Variants in ZNF264 observed in about 807,000 individuals in gnomAD.
ZNF264 encodes the protein zinc finger protein 264.
In ZNF264, 11 loss-of-function variants were observed where a neutral mutation model predicts 11.2. The ratio of observed to expected loss-of-function variants is 0.98; its 90% CI spans 0.62 to 1.63. The LOEUF is 1.63. ZNF264 is among the 40% of genes most tolerant of loss of function. The probability of loss-of-function intolerance (pLI) is 0.00; values close to 1 mark genes in which losing one functional copy is unlikely to be tolerated. For missense variants in ZNF264, 752 were observed against 768.1 expected (o/e 0.98, Z 0.25); for synonymous variants, 309 against 279.8 (o/e 1.10, Z -1.04).
At chr19:57,205,634 T>C (rs896566677) in intron 3 of ZNF264, 142 bp downstream of exon 3, 1 of 769,734 alleles carries the variant, frequency 1.3e-6, no homozygotes, top group Admixed American at 2.3e-5. Flanking sequence ...CACTAGAATG[T>C]TCCATTTGAG....
In ZNF264 at chr19:57,222,489, C is replaced by T. The variant is rs189018683; in HGVS notation, c.*9508C>T. ...ACAGAGAGAGTCTTTCAAGAAAGGA[C>T]CTAGTCTGCTCGCGTTCTCTCTCTC... is the stretch of plus-strand genomic sequence containing the variant. On this transcript the variant is annotated 3_prime_UTR_variant, in exon 4 of 4. Transcript: ENST00000263095. 2.7e-5 allele frequency: 4 copies of T among 147,454 alleles called. No homozygotes were observed. Among genetic ancestry groups the T allele is most frequent in the East Asian group, 2.0e-4 (1 of 5,126 alleles). The allele number at this position is 147,454 out of a possible 1,614,324, so 9.1% of individuals were successfully genotyped here.
chr19:57,200,618 G>GTT (rs1568473238), intron 2 of ZNF264, among the ~76,000 whole-genome samples: 1 of 149,546 alleles, frequency 6.7e-6, no homozygotes, highest in African/African-American at 2.5e-5. Flanking sequence ...CTTTTCTTTC[G>GTT]TTTTCTTTTC....
intron 2 of ZNF264, among the ~76,000 whole-genome samples, chr19:57,198,977 C>T (rs193148317): frequency 6.6e-6 from 1 of 151,870 alleles, no homozygotes; most frequent in Admixed American, 6.6e-5. Context: ...TTTGTCCATT[C>T]GACCTGGAAG....
Position 57,211,895 on chromosome 19 carries a change from G to A in ZNF264, c.798G>A (p.Lys266=). The A allele has an allele frequency of 6.2e-7, 1 of 1,614,140 alleles. No homozygotes were observed. Among genetic ancestry groups the A allele is most frequent in the Non-Finnish European group, 8.5e-7 (1 of 1,180,030 alleles). The change falls in exon 4 of 4, where the codon AAG becomes AAA. Residue 266 remains lysine, a synonymous_variant. Transcript: ENST00000263095. ...ERPYECMECG[K]AFNRKSYLTQ... is the part of the protein sequence containing the mutation. ...CCTATGAGTGCATGGAGTGTGGAAA[G>A]GCCTTCAACCGCAAGTCATACCTTA...
At chr19:57,192,046 A>G in intron 1 of ZNF264, 100 bp downstream of exon 1, 2 of 1,175,560 alleles carry the variant, frequency 1.7e-6, no homozygotes, top group Non-Finnish European at 1.1e-6. Context: ...TTGTCTTCGC[A>G]GTCGTCGTTC....
rs369605279 is a variant in ZNF264 at position 57,200,048 on chromosome 19, T to A, written c.161-5349T>A. On this transcript the variant is annotated intron_variant, in intron 2 of 3. Coordinates refer to ENST00000263095, the MANE Select transcript of ZNF264 (RefSeq NM_003417.5). Reference sequence around the variant, plus strand: ...TGATGAACTCAGGGATTCTAACTCCTGGCTTCAGAAGCAGATACTAAGCCT... The same window carrying A: ...TGATGAACTCAGGGATTCTAACTCCAGGCTTCAGAAGCAGATACTAAGCCT... Among the ~76,000 whole-genome samples, 6 of 151,166 alleles carry A rather than the reference T, an allele frequency of 4.0e-5. No homozygotes were observed. In the East Asian group the frequency reaches 5.8e-4, roughly 15 times the overall value.
intron 2 of ZNF264, among the ~76,000 whole-genome samples, chr19:57,199,688 T>C (rs1485115831): frequency 6.6e-6 from 1 of 151,902 alleles, no homozygotes; most frequent in African/African-American, 2.4e-5. Flanking sequence ...TTATATAAAT[T>C]AGAAAACTCA....
At position 57,211,674 on chromosome 19, in the gene ZNF264, G is replaced by C. The variant is rs778292610; in HGVS notation, c.577G>C (p.Asp193His). 27 of 1,614,038 alleles carry C rather than the reference G, an allele frequency of 1.7e-5. No individual in the cohort carries two copies. The highest frequency in any genetic ancestry group is 2.7e-5 in the African/African-American group (2 of 74,932). The change falls in exon 4 of 4, where the codon GAT becomes CAT. Residue 193 changes from aspartate (D) to histidine (H), a missense_variant. Physicochemically the swap from Asp to His is moderately conservative, Grantham distance 81. Transcript: ENST00000263095. The stretch of plus-strand genomic sequence containing the variant: ...CCATAACTCATGTGAGTCAGGTAAA[G>C]ATCCCATGATTCAGGAAGAGGAAAA... ...RSHNSCESGK[D>H]PMIQEEENNF... is the part of the protein sequence containing the mutation.
At chr19:57,196,459 C>T (rs562908813) in intron 2 of ZNF264, among the ~76,000 whole-genome samples, 1 of 152,020 alleles carries the variant, frequency 6.6e-6, no homozygotes, top group East Asian at 1.9e-4. Context: ...GGGATGGTTC[C>T]ATATTGAGGG....
In ZNF264 at chr19:57,211,808, G is replaced by A. The variant is rs780114206; in HGVS notation, c.711G>A (p.Gly237=). 1 of 1,614,176 alleles carries A rather than the reference G, an allele frequency of 6.2e-7. No individual in the cohort carries two copies. The highest frequency in any genetic ancestry group is 8.5e-7 in the Non-Finnish European group (1 of 1,180,034). Residue 237 remains glycine, a synonymous_variant, in exon 4 of 4, where the codon GGG becomes GGA. Coordinates refer to ENST00000263095, the MANE Select transcript of ZNF264 (RefSeq NM_003417.5). ...GVKPYECTEC[G]KTFIKSTHLL... is the part of the protein sequence containing the mutation. ...AGCCCTATGAATGCACAGAATGTGGGAAAACCTTTATTAAGAGCACACATC... is the reference window on the plus strand; with the variant it reads ...AGCCCTATGAATGCACAGAATGTGGAAAAACCTTTATTAAGAGCACACATC...
chr19:57,209,763 T>A (rs1244926752), intron 3 of ZNF264, among the ~76,000 whole-genome samples: 1 of 152,052 alleles, frequency 6.6e-6, no homozygotes, highest in Non-Finnish European at 1.5e-5. Flanking sequence ...TTAGTTTTGT[T>A]TTTAAAAAAT....
rs117927242 is a variant in ZNF264 at position 57,192,050 on chromosome 19, G to A, written c.33+104G>A. ...ATCCCCTGGATTTGTCTTCGCAGTC[G>A]TCGTTCGCTTTGGTGTGTGGAGCTG... On this transcript the variant is annotated intron_variant, in intron 1 of 3. Transcript: ENST00000263095. 3,341 of 1,145,048 alleles carry A rather than the reference G, an allele frequency of 2.9e-3. 17 individuals are homozygous for A. Among genetic ancestry groups the A allele is most frequent in the South Asian group, 6.8e-3 (331 of 49,008 alleles). 70.9% of individuals were successfully genotyped at this position (1,145,048 alleles called of 1,614,324 possible).
rs1482904803 is a variant in ZNF264 at position 57,215,720 on chromosome 19, A to G, written c.*2739A>G. The G allele has an allele frequency of 6.6e-6, 1 of 152,218 alleles. No individual in the cohort carries two copies. The highest frequency in any genetic ancestry group is 1.5e-5 in the Non-Finnish European group (1 of 68,030). 9.4% of individuals were successfully genotyped at this position (152,218 alleles called of 1,614,324 possible). On this transcript the variant is annotated 3_prime_UTR_variant, in exon 4 of 4. Coordinates refer to ENST00000263095, the MANE Select transcript of ZNF264 (RefSeq NM_003417.5). ...TCCCACAAGTTTTAATGTTTTCATT[A>G]CATTTTAATTCTAATAGTTTTTATT...
intron 3 of ZNF264, among the ~76,000 whole-genome samples, 200 bp downstream of exon 3, chr19:57,205,692 T>G (rs762879046): frequency 7.9e-5 from 12 of 152,216 alleles, no homozygotes; most frequent in Admixed American, 2.6e-4. Flanking sequence ...CCTAGCCCCA[T>G]CACAGTGTCA....
At chr19:57,200,435 T>A (rs1380220152) in intron 2 of ZNF264, among the ~76,000 whole-genome samples, 2 of 149,082 alleles carry the variant, frequency 1.3e-5, no homozygotes, top group Non-Finnish European at 2.9e-5. Flanking sequence ...AGTGAGACCC[T>A]GTCTCTAAAA....
Position 57,211,788 on chromosome 19 carries a change from T to C in ZNF264, c.691T>C (p.Tyr231His). The C allele has an allele frequency of 1.2e-6, 2 of 1,614,216 alleles. No individual in the cohort carries two copies. Among genetic ancestry groups the C allele is most frequent in the Non-Finnish European group, 1.7e-6 (2 of 1,180,046 alleles). Residue 231 changes from tyrosine to histidine, a missense_variant, in exon 4 of 4, where the codon TAT becomes CAT. Transcript: ENST00000263095. ...GAAAATTCACTCTGGAGTTAAGCCCTATGAATGCACAGAATGTGGGAAAAC... is the reference window on the plus strand; with the variant it reads ...GAAAATTCACTCTGGAGTTAAGCCCCATGAATGCACAGAATGTGGGAAAAC... ...HEKIHSGVKPYECTECGKTFI... is the reference protein window; with the variant it reads ...HEKIHSGVKPHECTECGKTFI...
chr19:57,191,961 G>T lies in ZNF264; in HGVS notation c.33+15G>T. Reference sequence around the variant, plus strand: ...ACCGGGCCCAGGTGAGTGGACGGTGGCTTCGCGGTTGCCGCTTCCTTGCCA... The same window carrying T: ...ACCGGGCCCAGGTGAGTGGACGGTGTCTTCGCGGTTGCCGCTTCCTTGCCA... On this transcript the variant is annotated intron_variant, in intron 1 of 3. Coordinates refer to ENST00000263095, the MANE Select transcript of ZNF264 (RefSeq NM_003417.5). The T allele has an allele frequency of 6.5e-7, 1 of 1,533,828 alleles. No homozygotes were observed. Among genetic ancestry groups the T allele is most frequent in the Non-Finnish European group, 8.8e-7 (1 of 1,138,864 alleles).
intron 3 of ZNF264, among the ~76,000 whole-genome samples, chr19:57,210,272 C>T (rs1326746459): frequency 1.3e-5 from 2 of 152,122 alleles, no homozygotes; most frequent in African/African-American, 4.8e-5. Flanking sequence ...TCTTCCTACC[C>T]AGGATTAGCC....
Position 57,221,833 on chromosome 19 carries a change from TTGGG to T in ZNF264, c.*8860_*8863del, listed in dbSNP as rs2087419638. ...AACAGGGCAGTGAGCTACTCCTGTTTTGGGTGGGTGGAGCAGTAGTAAGCCTCCC... is the reference window on the plus strand; with the variant it reads ...AACAGGGCAGTGAGCTACTCCTGTTTTGGGTGGAGCAGTAGTAAGCCTCCC... On this transcript the variant is annotated 3_prime_UTR_variant, in exon 4 of 4. Transcript: ENST00000263095. The T allele has an allele frequency of 2.0e-5, 3 of 152,018 alleles. No individual in the cohort carries two copies. In the South Asian group the frequency reaches 6.2e-4, roughly 32 times the overall value. The allele number at this position is 152,018 out of a possible 1,614,324, so 9.4% of individuals were successfully genotyped here. A position where few individuals can be genotyped will look rare whatever the true frequency, so the allele number is the denominator to read the frequency against.
Sources: gnomAD v4.1 joint callset for allele counts (sites outside exome capture counted in the v4.1 genomes callset) on GRCh38, gnomAD v4.1.1 for gene constraint, MANE v1.5 for transcripts, NCBI Gene and HGNC (gene_info 2026-07-23, HGNC 2026-07-21) for gene names.